Variants in DENND2C observed in about 807,000 individuals in gnomAD.
DENND2C encodes DENN domain-containing protein 2C.
DENND2C carries 72 observed loss-of-function variants against 112.4 expected under a neutral mutation model. That is an observed-to-expected ratio of 0.64 (90% CI 0.53 to 0.78). The LOEUF (loss-of-function observed/expected upper bound fraction) is 0.78, where lower values mean the gene tolerates loss of function less well. DENND2C is among the 30% of genes least tolerant of loss of function. The pLI, the probability that DENND2C is intolerant of heterozygous loss-of-function variation, is 0.00. For missense variants in DENND2C, 992 were observed against 1,113.8 expected, an observed-to-expected ratio of 0.89 and a Z score of 1.56; for synonymous variants, 329 against 381.6, an observed-to-expected ratio of 0.86 and a Z score of 1.61.
chr1:114,623,587 A>G lies in DENND2C; in HGVS notation c.863T>C (p.Ile288Thr), dbSNP rs758386879. 1.2e-6 allele frequency: 2 copies of G among 1,609,642 alleles called. No individual in the cohort carries two copies. The highest frequency in any genetic ancestry group is 2.7e-5 in the African/African-American group (2 of 74,750). Reference sequence around the variant, plus strand: ...AGAATTTCTTCCAAGTTCTTCACGAATCGTCTGTGAGTTCCGATTTCGAAA... The same window carrying G: ...AGAATTTCTTCCAAGTTCTTCACGAGTCGTCTGTGAGTTCCGATTTCGAAA... ...QHFRNRNSQT[I>T]REELGRNSGS... is the part of the protein sequence containing the mutation. Residue 288 changes from isoleucine (I) to threonine (T), a missense_variant, in exon 5 of 21, where the codon ATT (isoleucine) becomes ACT (threonine). Ile to Thr is a moderately conservative substitution (Grantham distance 89, BLOSUM62 -1). Coordinates refer to ENST00000393274, the MANE Select transcript of DENND2C (RefSeq NM_001256404.2).
intron 3 of DENND2C, among the ~76,000 whole-genome samples, chr1:114,628,590 G>GA: frequency 6.6e-6 from 1 of 152,306 alleles, no homozygotes; most frequent in African/African-American, 2.4e-5. Context: ...TGATAACACA[G>GA]AAAATCTTTC....
intron 3 of DENND2C, among the ~76,000 whole-genome samples, chr1:114,632,723 C>T (rs1224415413): frequency 6.6e-6 from 1 of 151,902 alleles, no homozygotes; most frequent in Admixed American, 6.6e-5. Flanking sequence ...GCCTTGCTTT[C>T]AACTTGTGGG....
In DENND2C at chr1:114,608,719, ATAGCT is replaced by A; in HGVS notation, c.1519_1523del (p.Ser507TyrfsTer13). On this transcript the variant is annotated frameshift_variant, in exon 10 of 21. Transcript: ENST00000393274. LOFTEE classifies it high-confidence loss of function. The stretch of plus-strand genomic sequence containing the variant: ...GGAATTGTTGTATGACCTGGGGAAT[ATAGCT>A]TATTCCTGATGGTTTCTTCTGTAGA... The A allele has an allele frequency of 6.2e-7, 1 of 1,614,146 alleles. No homozygotes were observed.
chr1:114,590,846 A>C (rs941965333), intron 18 of DENND2C, among the ~76,000 whole-genome samples: 2 of 151,894 alleles, frequency 1.3e-5, no homozygotes, highest in Admixed American at 1.3e-4. Flanking sequence ...TCACTAGGGT[A>C]TGTATTTACA....
intron 2 of DENND2C, among the ~76,000 whole-genome samples, chr1:114,648,294 T>C (rs977144603): frequency 1.3e-5 from 2 of 152,228 alleles, no homozygotes; most frequent in Non-Finnish European, 2.9e-5. Context: ...ACTTGTTAGT[T>C]GGTAGACATA....
rs998426770 is a variant in DENND2C, at chr1:114,599,210, C to G, written c.2283+64G>C. ...AACTAAATTAATAACAATTCCACCA[C>G]TCTTAAGATCACTTATTTTTACTTC... On this transcript the variant is annotated intron_variant, in intron 16 of 20. Transcript: ENST00000393274. The G allele has an allele frequency of 2.7e-5, 35 of 1,312,896 alleles. No homozygotes were observed. The African/African-American group carries it at 4.6e-4, about 17-fold the overall frequency. 81.3% of individuals were successfully genotyped at this position (1,312,896 alleles called of 1,614,324 possible).
chr1:114,603,665 G>C (rs1655582150), intron 11 of DENND2C, among the ~76,000 whole-genome samples: 1 of 151,896 alleles, frequency 6.6e-6, no homozygotes, highest in Admixed American at 6.6e-5. Flanking sequence ...TCCTGCCTCA[G>C]CCTCCCGAGT....
intron 2 of DENND2C, among the ~76,000 whole-genome samples, chr1:114,652,615 G>A (rs1035383079): frequency 6.7e-6 from 1 of 149,680 alleles, no homozygotes; most frequent in Admixed American, 6.7e-5. Context: ...AAATGGTGTC[G>A]AATTTGCATC....
intron 11 of DENND2C, 101 bp downstream of exon 11, chr1:114,604,821 G>T: frequency 1.2e-6 from 1 of 813,786 alleles, no homozygotes; most frequent in Non-Finnish European, 2.1e-6. Context: ...ACTTGCCACA[G>T]TATTCACATA....
At chr1:114,668,111 T>G (rs182113066) in intron 1 of DENND2C, among the ~76,000 whole-genome samples, 7 of 152,324 alleles carry the variant, frequency 4.6e-5, no homozygotes, top group Admixed American at 3.9e-4. Flanking sequence ...TATAATCTTG[T>G]GCCTATTGTG....
intron 18 of DENND2C, among the ~76,000 whole-genome samples, chr1:114,592,291 G>T (rs527350608): frequency 6.6e-6 from 1 of 152,088 alleles, no homozygotes; most frequent in East Asian, 1.9e-4. Flanking sequence ...TCTTTCTATT[G>T]CTCTATTTCT....
At chr1:114,623,175 A>G in intron 5 of DENND2C, 76 bp from the exon 6 acceptor site, 2 of 1,370,046 alleles carry the variant, frequency 1.5e-6, no homozygotes, top group South Asian at 1.3e-5. Flanking sequence ...CAAAAGAAAG[A>G]AAAAGCTAAC....
chr1:114,594,726 G>A, intron 17 of DENND2C, 148 bp from the exon 18 acceptor site: 1 of 599,182 alleles, frequency 1.7e-6, no homozygotes, highest in South Asian at 2.2e-5. Flanking sequence ...TTCCCTACAT[G>A]AAGAATCTTT....
intron 1 of DENND2C, among the ~76,000 whole-genome samples, chr1:114,661,816 T>C: frequency 6.6e-6 from 1 of 152,200 alleles, no homozygotes; most frequent in East Asian, 1.9e-4. Flanking sequence ...GGCAAATTGA[T>C]CCAATTTGAT....
At position 114,625,239 on chromosome 1, in the gene DENND2C, G is replaced by A; in HGVS notation, c.746C>T (p.Ala249Val). The change falls in exon 4 of 21, where the codon GCC (alanine) becomes GTC (valine). Residue 249 changes from alanine to valine, a missense_variant. Coordinates refer to ENST00000393274, the MANE Select transcript of DENND2C (RefSeq NM_001256404.2). ...CTTTGGTTCAGGTTCCTGAGAAGAG[G>A]CCAAAGAAGATTGTGCACAAGAGTT... ...ENNSCAQSSL[A>V]SSQEPEPKKY... 2 of 1,613,876 alleles carry A rather than the reference G, an allele frequency of 1.2e-6. No homozygotes were observed. The highest frequency in any genetic ancestry group is 1.7e-6 in the Non-Finnish European group (2 of 1,179,968).
chr1:114,615,595 C>T (rs904863582), intron 8 of DENND2C, among the ~76,000 whole-genome samples: 3 of 152,060 alleles, frequency 2.0e-5, no homozygotes, highest in Non-Finnish European at 4.4e-5. Flanking sequence ...TATTTCTTCC[C>T]CAGAGAAGAT....
At chr1:114,626,274 C>G (rs1255670199) in intron 3 of DENND2C, 86 bp from the exon 4 acceptor site, 1 of 299,224 alleles carries the variant, frequency 3.3e-6, no homozygotes, top group Non-Finnish European at 6.2e-6. Context: ...CCTATCCCTA[C>G]ATAATTCATA....
intron 18 of DENND2C, among the ~76,000 whole-genome samples, chr1:114,592,925 GATTA>G (rs1655237015): frequency 1.3e-5 from 2 of 152,004 alleles, no homozygotes; most frequent in Non-Finnish European, 2.9e-5. Flanking sequence ...AGGCATAATT[GATTA>G]CTCTTCTTTT....
At chr1:114,588,919 A>G (rs1268103526) in intron 18 of DENND2C, among the ~76,000 whole-genome samples, 2 of 152,158 alleles carry the variant, frequency 1.3e-5, no homozygotes, top group Non-Finnish European at 2.9e-5. Context: ...ATACTGCACT[A>G]TAATTATTCC....
Sources: gnomAD v4.1 joint callset for allele counts (sites outside exome capture counted in the v4.1 genomes callset) on GRCh38, gnomAD v4.1.1 for gene constraint, MANE v1.5 for transcripts, NCBI Gene and HGNC (gene_info 2026-07-23, HGNC 2026-07-21) for gene names.